Variants in FSTL5 observed in about 807,000 individuals in gnomAD.
The protein encoded by FSTL5 is follistatin-related protein 5.
Under a neutral mutation model 89.1 loss-of-function variants are expected in FSTL5, and 62 were observed. That is an observed-to-expected ratio of 0.70 (90% CI 0.57 to 0.86). The LOEUF (loss-of-function observed/expected upper bound fraction) is 0.86, where lower values mean the gene tolerates loss of function less well. FSTL5 is among the 40% of genes least tolerant of loss of function. The probability of loss-of-function intolerance (pLI) is 0.00; values close to 1 mark genes in which losing one functional copy is unlikely to be tolerated. For missense variants in FSTL5, 1,057 were observed against 1,001.6 expected, an observed-to-expected ratio of 1.06 and a Z score of -0.75; for synonymous variants, 383 against 346.2, an observed-to-expected ratio of 1.11 and a Z score of -1.18.
intron 6 of FSTL5, among the ~76,000 whole-genome samples, chr4:161,667,072 A>G (rs900506957): frequency 3.3e-5 from 5 of 152,076 alleles, no homozygotes; most frequent in Non-Finnish European, 5.9e-5. Flanking sequence ...TTTTATATTA[A>G]TTCAAGCAGT....
At chr4:161,467,532 A>G (rs1391406122) in intron 13 of FSTL5, among the ~76,000 whole-genome samples, 4 of 152,180 alleles carry the variant, frequency 2.6e-5, no homozygotes, top group East Asian at 3.9e-4. Flanking sequence ...ACAGAAGTCA[A>G]TATCTTTGTC....
intron 2 of FSTL5, among the ~76,000 whole-genome samples, chr4:162,108,774 C>T (rs537219447): frequency 6.6e-6 from 1 of 151,434 alleles, no homozygotes; most frequent in South Asian, 2.1e-4. Flanking sequence ...TAATTATTAA[C>T]TAGATAAATA....
chr4:161,678,603 G>T (rs754832989), intron 6 of FSTL5, among the ~76,000 whole-genome samples: 2 of 151,802 alleles, frequency 1.3e-5, no homozygotes, highest in Non-Finnish European at 3.0e-5. Context: ...CACAGCTGCA[G>T]ATATATTTTC....
At chr4:161,441,124 A>G (rs886551798) in intron 15 of FSTL5, among the ~76,000 whole-genome samples, 1 of 152,100 alleles carries the variant, frequency 6.6e-6, no homozygotes, top group Admixed American at 6.6e-5. Context: ...GTAAGATATA[A>G]GGCAGTCAGT....
intron 2 of FSTL5, among the ~76,000 whole-genome samples, chr4:162,039,358 T>C (rs1052627179): frequency 2.0e-5 from 3 of 151,950 alleles, no homozygotes; most frequent in African/African-American, 4.8e-5. Flanking sequence ...TGGTCACTAA[T>C]AAAAAACATA....
At chr4:161,821,546 G>A (rs912748583) in intron 4 of FSTL5, among the ~76,000 whole-genome samples, 1 of 152,054 alleles carries the variant, frequency 6.6e-6, no homozygotes, top group Admixed American at 6.6e-5. Flanking sequence ...TAACTAATTT[G>A]TAGTCTTTTA....
intron 4 of FSTL5, among the ~76,000 whole-genome samples, chr4:161,915,783 A>C (rs1733821763): frequency 2.7e-5 from 1 of 36,798 alleles, no homozygotes; most frequent in Admixed American, 3.0e-4. Context: ...ACAAAACAGA[A>C]CAAACAAACA....
At chr4:161,798,295 C>A (rs1729693973) in intron 4 of FSTL5, among the ~76,000 whole-genome samples, 2 of 151,358 alleles carry the variant, frequency 1.3e-5, no homozygotes, top group Admixed American at 6.6e-5. Context: ...ATTACAGCCC[C>A]CTGTTCCAAA....
At chr4:162,077,755 C>T (rs940539547) in intron 2 of FSTL5, among the ~76,000 whole-genome samples, 1 of 151,734 alleles carries the variant, frequency 6.6e-6, no homozygotes, top group Non-Finnish European at 1.5e-5. Flanking sequence ...AGGCCAGTTT[C>T]AGAATATAAC....
At chr4:162,090,039 C>T (rs1483559) in intron 2 of FSTL5, among the ~76,000 whole-genome samples, 149,171 of 152,242 alleles carry the variant, frequency 0.98, 73,152 homozygotes, top group Middle Eastern at 1. Flanking sequence ...TGGCTAGCCA[C>T]ATGCAAATTA....
Position 162,146,770 on chromosome 4 carries a change from C to CTCTCTCTCTT in FSTL5, c.-17+16844_-17+16845insAAGAGAGAGA, listed in dbSNP as rs754279568. Among the ~76,000 whole-genome samples, 265 of 142,960 alleles carry CTCTCTCTCTT rather than the reference C, an allele frequency of 1.9e-3. 4 individuals carry two copies. The highest frequency in any genetic ancestry group is 4.4e-3 in the South Asian group (19 of 4,322). The allele number at this position is 142,960 out of a possible 152,430, so 93.8% of individuals were successfully genotyped here. On this transcript the variant is annotated intron_variant, in intron 1 of 15. Coordinates refer to ENST00000306100, the MANE Select transcript of FSTL5 (RefSeq NM_020116.5). Reference sequence around the variant, plus strand: ...TTCTCCTTTCTCTCTCTCTCTCTCTCTCTTTCTTTCTTTGTTTTCTTTTTG... The same window carrying CTCTCTCTCTT: ...TTCTCCTTTCTCTCTCTCTCTCTCTCTCTCTCTCTTTCTTTCTTTCTTTGTTTTCTTTTTG...
intron 4 of FSTL5, among the ~76,000 whole-genome samples, chr4:161,787,779 G>A (rs371073785): frequency 6.6e-6 from 1 of 152,126 alleles, no homozygotes; most frequent in Non-Finnish European, 1.5e-5. Flanking sequence ...GACAGTTCAT[G>A]TAGAGATATA....
intron 4 of FSTL5, among the ~76,000 whole-genome samples, chr4:161,843,001 TA>T: frequency 6.6e-6 from 1 of 152,330 alleles, no homozygotes; most frequent in Non-Finnish European, 1.5e-5. Flanking sequence ...TCATGTGATT[TA>T]GTATTTCTTT....
At chr4:161,697,189 C>T (rs542250558) in intron 6 of FSTL5, among the ~76,000 whole-genome samples, 97 of 152,226 alleles carry the variant, frequency 6.4e-4, no homozygotes, top group African/African-American at 2.3e-3. Context: ...AGGTTGCCTG[C>T]CATGGGACTG....
intron 15 of FSTL5, among the ~76,000 whole-genome samples, chr4:161,419,704 T>C (rs1221691319): frequency 2.0e-5 from 3 of 152,168 alleles, no homozygotes; most frequent in African/African-American, 7.2e-5. Context: ...ACTGGCCCTG[T>C]CTCTCCAAAC....
chr4:161,942,301 G>GA (rs35588754), intron 3 of FSTL5, among the ~76,000 whole-genome samples: 27 of 149,472 alleles, frequency 1.8e-4, no homozygotes, highest in East Asian at 8.0e-4. Flanking sequence ...TCAGAGAATA[G>GA]AAAAAAAAAA....
At chr4:161,839,953 C>A in intron 4 of FSTL5, among the ~76,000 whole-genome samples, 1 of 152,206 alleles carries the variant, frequency 6.6e-6, no homozygotes, top group Non-Finnish European at 1.5e-5. Flanking sequence ...AAGCATTGAG[C>A]AAAGGCTGGA....
chr4:161,568,477 C>T (rs2126581986), intron 8 of FSTL5, among the ~76,000 whole-genome samples: 1 of 152,246 alleles, frequency 6.6e-6, no homozygotes, highest in Admixed American at 6.5e-5. Flanking sequence ...GCAGCCTCCG[C>T]AGGTGGCTTT....
At chr4:161,905,048 T>G (rs928227213) in intron 4 of FSTL5, among the ~76,000 whole-genome samples, 2 of 152,026 alleles carry the variant, frequency 1.3e-5, no homozygotes, top group Non-Finnish European at 2.9e-5. Flanking sequence ...AAGCCTAATA[T>G]CATGAATTTA....
Sources: gnomAD v4.1 joint callset for allele counts (sites outside exome capture counted in the v4.1 genomes callset) on GRCh38, gnomAD v4.1.1 for gene constraint, MANE v1.5 for transcripts, NCBI Gene and HGNC (gene_info 2026-07-23, HGNC 2026-07-21) for gene names.